Variants in AFF3 observed in about 807,000 individuals in gnomAD.
AFF3 encodes ALF transcription elongation factor 3, also known as AF4/FMR2 family member 3.
A neutral mutation model predicts 129.7 loss-of-function variants in AFF3; 32 were observed. The ratio of observed to expected loss-of-function variants is 0.25; its 90% CI spans 0.19 to 0.33. AFF3 has a LOEUF of 0.33. Among genes scored for constraint, AFF3 ranks in the 10% least tolerant of loss-of-function variants. The pLI is 1.00. For synonymous variants in AFF3, 644 were observed against 635.4 expected, an observed-to-expected ratio of 1.01 and a Z score of -0.20; for missense variants, 1,373 against 1,592.0, an observed-to-expected ratio of 0.86 and a Z score of 2.34.
chr2:100,012,840 T>C (rs1311013136), intron 4 of AFF3, among the ~76,000 whole-genome samples: 1 of 152,250 alleles, frequency 6.6e-6, no homozygotes, highest in African/African-American at 2.4e-5. Context: ...TTGCACGTTA[T>C]GAGTTATGTT....
chr2:100,026,358 A>T (rs1345808203), intron 4 of AFF3, among the ~76,000 whole-genome samples: 3 of 152,126 alleles, frequency 2.0e-5, no homozygotes, highest in African/African-American at 7.2e-5. Flanking sequence ...ATGCTACCTT[A>T]CTCCTGCAAG....
At chr2:100,092,738 G>A (rs1223924165) in intron 4 of AFF3, among the ~76,000 whole-genome samples, 3 of 151,618 alleles carry the variant, frequency 2.0e-5, no homozygotes, top group Admixed American at 2.0e-4. Flanking sequence ...TCCCTACCCC[G>A]CTCCCAGCCT....
chr2:99,887,216 T>C lies in AFF3; in HGVS notation c.874-49692A>G, dbSNP rs561760085. On this transcript the variant is annotated intron_variant, in intron 7 of 24. Coordinates refer to ENST00000672756, the MANE Select transcript of AFF3 (RefSeq NM_001386135.1). ...CACAACCTAAAAGGTCTAAGGCAAA[T>C]AGCAGCTGTCCAAATCAGAGACCAA... Among the ~76,000 whole-genome samples the C allele has an allele frequency of 3.3e-4, 50 of 152,292 alleles. No individual in the cohort carries two copies. In the South Asian group the frequency reaches 8.3e-3, roughly 25 times the overall value.
intron 12 of AFF3, among the ~76,000 whole-genome samples, chr2:99,655,141 G>C (rs1473953206): frequency 6.6e-6 from 1 of 151,654 alleles, no homozygotes; most frequent in African/African-American, 2.4e-5. Flanking sequence ...CTTGGCTTAG[G>C]TGGCAGTCAC....
At chr2:99,556,278 T>C (rs1395299721) in intron 22 of AFF3, among the ~76,000 whole-genome samples, 1 of 152,070 alleles carries the variant, frequency 6.6e-6, no homozygotes, top group Non-Finnish European at 1.5e-5. Context: ...ACCCCATCTC[T>C]ACTAAAGATA....
At chr2:99,975,236 G>C (rs1456409042) in intron 7 of AFF3, among the ~76,000 whole-genome samples, 4 of 152,196 alleles carry the variant, frequency 2.6e-5, no homozygotes, top group African/African-American at 9.7e-5. Flanking sequence ...AATCCACCCA[G>C]ACCCAATGAA....
At chr2:100,074,898 C>T (rs1688470395) in intron 4 of AFF3, among the ~76,000 whole-genome samples, 1 of 152,160 alleles carries the variant, frequency 6.6e-6, no homozygotes, top group Non-Finnish European at 1.5e-5. Flanking sequence ...AATTAAAGTC[C>T]ACCTTTGAGC....
chr2:99,727,040 G>T, intron 11 of AFF3, 37 bp downstream of exon 11: 1 of 1,552,072 alleles, frequency 6.4e-7, no homozygotes. Context: ...GCATATTTAA[G>T]AACAGGCATC....
chr2:99,892,616 T>A (rs1693655610), intron 7 of AFF3, among the ~76,000 whole-genome samples: 2 of 152,152 alleles, frequency 1.3e-5, no homozygotes, highest in South Asian at 4.1e-4. Flanking sequence ...CCTGCCTGCA[T>A]CAACCTGCTC....
intron 4 of AFF3, among the ~76,000 whole-genome samples, chr2:100,064,270 T>C (rs1348210700): frequency 6.6e-6 from 1 of 152,154 alleles, no homozygotes; most frequent in Non-Finnish European, 1.5e-5. Flanking sequence ...TTTCTTACTA[T>C]CACCTACCCC....
At chr2:99,918,548 C>G (rs1378130141) in intron 7 of AFF3, among the ~76,000 whole-genome samples, 1 of 152,154 alleles carries the variant, frequency 6.6e-6, no homozygotes, top group Non-Finnish European at 1.5e-5. Context: ...ACTAATTGCT[C>G]TAACCTTTAA....
chr2:99,851,219 T>C (rs1558914588), intron 7 of AFF3, among the ~76,000 whole-genome samples: 3 of 152,244 alleles, frequency 2.0e-5, no homozygotes. Context: ...TCATAAATAA[T>C]GCTTCTTACA....
At chr2:99,654,937 T>C (rs1685612443) in intron 12 of AFF3, among the ~76,000 whole-genome samples, 2 of 152,110 alleles carry the variant, frequency 1.3e-5, no homozygotes, top group African/African-American at 2.4e-5. Context: ...AAAGAGGAAA[T>C]TAAATGCCCT....
chr2:99,935,997 A>C (rs1414763108), intron 7 of AFF3, among the ~76,000 whole-genome samples: 1 of 152,222 alleles, frequency 6.6e-6, no homozygotes, highest in East Asian at 1.9e-4. Flanking sequence ...TGAATCACTG[A>C]ATAAAAGCAG....
chr2:99,969,380 C>T (rs1308074646), intron 7 of AFF3, among the ~76,000 whole-genome samples: 2 of 152,330 alleles, frequency 1.3e-5, no homozygotes, highest in South Asian at 4.1e-4. Context: ...ACTCCTTTGT[C>T]TATGAAGACA....
At chr2:99,566,884 C>T (rs1676019325) in intron 19 of AFF3, among the ~76,000 whole-genome samples, 1 of 151,866 alleles carries the variant, frequency 6.6e-6, no homozygotes, top group South Asian at 2.1e-4. Context: ...ACCAGAAATG[C>T]AGAGCAAAAC....
chr2:99,904,948 T>A (rs948759233), intron 7 of AFF3, among the ~76,000 whole-genome samples: 1 of 152,092 alleles, frequency 6.6e-6, no homozygotes, highest in African/African-American at 2.4e-5. Context: ...AGGTGCCCAG[T>A]GGCCCCATCA....
At chr2:100,135,940 T>A (rs143786992) in intron 1 of AFF3, among the ~76,000 whole-genome samples, 1 of 151,940 alleles carries the variant, frequency 6.6e-6, no homozygotes, top group East Asian at 2.0e-4. Context: ...AACACACAGA[T>A]GGGATTTGCT....
chr2:99,746,511 T>G (rs762250039), intron 9 of AFF3, among the ~76,000 whole-genome samples: 1 of 152,208 alleles, frequency 6.6e-6, no homozygotes, highest in Non-Finnish European at 1.5e-5. Flanking sequence ...CATATGCAGA[T>G]GCCTAATAAA....
Sources: allele counts gnomAD v4.1 joint callset (sites outside exome capture counted in the v4.1 genomes callset), GRCh38; gene constraint gnomAD v4.1.1; transcripts MANE v1.5; gene names NCBI Gene and HGNC (gene_info 2026-07-23, HGNC 2026-07-21).